STMN2: variants seen among roughly 807,000 people sequenced by gnomAD.
STMN2 encodes the protein stathmin 2.
A neutral mutation model predicts 24.1 loss-of-function variants in STMN2; 2 were observed. The observed-to-expected ratio is 0.08, with a 90% CI of 0.03 to 0.26. The LOEUF (loss-of-function observed/expected upper bound fraction) is 0.26, where lower values mean the gene tolerates loss of function less well. Ranked by LOEUF, STMN2 falls within the 10% of genes least tolerant of loss-of-function variation. The pLI, the probability that STMN2 is intolerant of heterozygous loss-of-function variation, is 1.00. For synonymous variants in STMN2, 83 were observed against 77.5 expected, an observed-to-expected ratio of 1.07 and a Z score of -0.37; for missense variants, 114 against 213.6, an observed-to-expected ratio of 0.53 and a Z score of 2.91.
intron 1 of STMN2, chr8:79,613,387 G>C (rs1809295456): frequency 1.2e-5 from 12 of 985,312 alleles, no homozygotes; most frequent in Non-Finnish European, 1.4e-5. Flanking sequence ...CCCCTCCCCG[G>C]AGTTGGGCGC....
intron 2 of STMN2, among the ~76,000 whole-genome samples, chr8:79,641,062 G>A (rs532139539): frequency 5.9e-5 from 9 of 152,102 alleles, no homozygotes; most frequent in African/African-American, 2.2e-4. Flanking sequence ...TTGTTCAAAA[G>A]GAAAATAAAG....
intron 1 of STMN2, among the ~76,000 whole-genome samples, chr8:79,623,072 C>T (rs1809556470): frequency 6.6e-6 from 1 of 152,186 alleles, no homozygotes; most frequent in Admixed American, 6.5e-5. Flanking sequence ...CCGTTGCTTT[C>T]TTATCTGGAT....
Position 79,665,029 on chromosome 8 carries a change from T to C in STMN2, c.*155T>C, listed in dbSNP as rs746160283. The stretch of plus-strand genomic sequence containing the variant: ...AAAAAAAATCAAAAATTAAAAAAAA[T>C]CAATGCGGTCTCTTTGCAGAATGTT... On this transcript the variant is annotated 3_prime_UTR_variant, in exon 5 of 5. Coordinates refer to ENST00000220876, the MANE Select transcript of STMN2 (RefSeq NM_007029.4). 6 of 565,116 alleles carry C rather than the reference T, an allele frequency of 1.1e-5. No homozygotes were observed. The highest frequency in any genetic ancestry group is 4.1e-5 in the Admixed American group (1 of 24,266). The allele number at this position is 565,116 out of a possible 1,614,324, so 35.0% of individuals were successfully genotyped here. A position where few individuals can be genotyped will look rare whatever the true frequency, so the allele number is the denominator to read the frequency against.
intron 3 of STMN2, among the ~76,000 whole-genome samples, chr8:79,647,086 G>C (rs1195290498): frequency 6.6e-6 from 1 of 152,100 alleles, no homozygotes; most frequent in Non-Finnish European, 1.5e-5. Flanking sequence ...TGTTCCACCT[G>C]GCCCACGGGT....
At chr8:79,641,023 G>C (rs1379438547) in intron 2 of STMN2, among the ~76,000 whole-genome samples, 1 of 152,124 alleles carries the variant, frequency 6.6e-6, no homozygotes, top group African/African-American at 2.4e-5. Context: ...ATAAATCTGT[G>C]CTACTTGATT....
At chr8:79,619,184 C>T (rs1198914743) in intron 1 of STMN2, among the ~76,000 whole-genome samples, 4 of 151,906 alleles carry the variant, frequency 2.6e-5, no homozygotes, top group Middle Eastern at 6.8e-3. Context: ...ACCATTAGTA[C>T]AAGTACCCAA....
intron 3 of STMN2, 105 bp from the exon 4 acceptor site, chr8:79,654,766 G>A: frequency 1.6e-6 from 2 of 1,241,656 alleles, no homozygotes. Context: ...CTCAAGGCTG[G>A]GAGTACTATT....
chr8:79,627,624 A>C (rs563773159), intron 1 of STMN2, among the ~76,000 whole-genome samples: 191 of 152,376 alleles, frequency 1.3e-3, no homozygotes, highest in African/African-American at 4.5e-3. Flanking sequence ...ATAGTTAAAC[A>C]ATTTGAAATT....
intron 4 of STMN2, among the ~76,000 whole-genome samples, chr8:79,659,773 T>C (rs537791484): frequency 6.6e-6 from 1 of 152,110 alleles, no homozygotes; most frequent in East Asian, 1.9e-4. Context: ...TCTATGGGGG[T>C]TTCTTTTCTT....
At chr8:79,612,606 T>C (rs1365255265) in intron 1 of STMN2, among the ~76,000 whole-genome samples, 1 of 152,080 alleles carries the variant, frequency 6.6e-6, no homozygotes, top group Non-Finnish European at 1.5e-5. Context: ...CCGCAATTGG[T>C]CTTGTGCCTT....
intron 4 of STMN2, among the ~76,000 whole-genome samples, chr8:79,661,095 G>A (rs952449747): frequency 3.3e-5 from 5 of 152,050 alleles, no homozygotes; most frequent in African/African-American, 1.2e-4. Context: ...ATTTCAAGTT[G>A]TGCTGCTATA....
At chr8:79,655,898 C>G (rs1774630277) in intron 4 of STMN2, among the ~76,000 whole-genome samples, 1 of 152,170 alleles carries the variant, frequency 6.6e-6, no homozygotes, top group Non-Finnish European at 1.5e-5. Context: ...AGTCACCCTT[C>G]CCGCCAGTAG....
intron 1 of STMN2, chr8:79,611,793 T>C: frequency 1.1e-6 from 1 of 908,694 alleles, no homozygotes; most frequent in Non-Finnish European, 1.3e-6. Flanking sequence ...TGCAGGGAGG[T>C]AAGACGGCGG....
intron 1 of STMN2, among the ~76,000 whole-genome samples, chr8:79,620,512 C>T (rs1809489152): frequency 6.6e-6 from 1 of 152,008 alleles, no homozygotes; most frequent in Non-Finnish European, 1.5e-5. Flanking sequence ...GTTCCTCACC[C>T]TTGGTGGATT....
intron 2 of STMN2, 130 bp downstream of exon 2, chr8:79,637,027 C>A: frequency 1.2e-6 from 1 of 822,012 alleles, no homozygotes; most frequent in South Asian, 1.7e-5. Flanking sequence ...CTTGCCGTGT[C>A]TAGCTATTAT....
intron 1 of STMN2, among the ~76,000 whole-genome samples, chr8:79,633,103 C>G (rs776868260): frequency 2.0e-5 from 3 of 152,136 alleles, no homozygotes; most frequent in Non-Finnish European, 4.4e-5. Flanking sequence ...GATGACATAC[C>G]TTTCCAGCAA....
intron 3 of STMN2, among the ~76,000 whole-genome samples, chr8:79,647,824 A>T (rs1277585681): frequency 6.6e-6 from 1 of 152,214 alleles, no homozygotes; most frequent in Non-Finnish European, 1.5e-5. Context: ...CATCTCTTGA[A>T]ATCAAAGTTT....
chr8:79,620,889 C>A, intron 1 of STMN2: 1 of 876,080 alleles, frequency 1.1e-6, no homozygotes, highest in Non-Finnish European at 1.4e-6. Flanking sequence ...CATGGATTTG[C>A]ATTTCTAACA....
intron 3 of STMN2, among the ~76,000 whole-genome samples, chr8:79,643,083 T>C (rs893832321): frequency 1.4e-5 from 2 of 147,602 alleles, no homozygotes; most frequent in Non-Finnish European, 3.0e-5. Flanking sequence ...ATGCCATAAT[T>C]ATATATTAAT....
Sources: gnomAD v4.1 joint callset for allele counts (sites outside exome capture counted in the v4.1 genomes callset) on GRCh38, gnomAD v4.1.1 for gene constraint, MANE v1.5 for transcripts, NCBI Gene and HGNC (gene_info 2026-07-23, HGNC 2026-07-21) for gene names.